FASN: variants seen among roughly 807,000 people sequenced by gnomAD.
FASN encodes the protein fatty acid synthase.
FASN carries 50 observed loss-of-function variants against 250.0 expected under a neutral mutation model. The ratio of observed to expected loss-of-function variants is 0.20; its 90% CI spans 0.16 to 0.25. FASN has a LOEUF of 0.25. Ranked by LOEUF, FASN falls within the 10% of genes least tolerant of loss-of-function variation. The pLI, the probability that FASN is intolerant of heterozygous loss-of-function variation, is 1.00. For synonymous variants in FASN, 1,909 were observed against 1,584.0 expected (o/e 1.21, Z -4.87); for missense variants, 3,031 against 3,498.5 (o/e 0.87, Z 3.37).
Position 82,089,869 on chromosome 17 carries a change from C to T in FASN, c.1871-143G>A, listed in dbSNP as rs1261578882. ...TTGGAGCCTTCATGAGAAAGGTTCG[C>T]CCCCTGCTGTGTTTGACCCGTGGGT... On this transcript the variant is annotated intron_variant, in intron 11 of 42. Transcript: ENST00000306749. 3.9e-6 allele frequency: 3 copies of T among 768,912 alleles called. No homozygotes were observed. In the South Asian group the frequency reaches 4.7e-5, roughly 12 times the overall value. The allele number at this position is 768,912 out of a possible 1,614,324, so 47.6% of individuals were successfully genotyped here.
intron 8 of FASN, 123 bp downstream of exon 8, chr17:82,092,332 A>G: frequency 9.6e-7 from 1 of 1,041,130 alleles, no homozygotes; most frequent in Non-Finnish European, 1.4e-6. Context: ...CGGGGGACAG[A>G]GGCTCCTGGT....
chr17:82,079,048 C>T lies in FASN; in HGVS notation c.*95G>A. 1.5e-6 allele frequency: 2 copies of T among 1,378,762 alleles called. No homozygotes were observed. Among genetic ancestry groups the T allele is most frequent in the Non-Finnish European group, 9.8e-7 (1 of 1,020,332 alleles). 85.4% of individuals were successfully genotyped at this position (1,378,762 alleles called of 1,614,324 possible). On this transcript the variant is annotated 3_prime_UTR_variant, in exon 43 of 43. Coordinates refer to ENST00000306749, the MANE Select transcript of FASN (RefSeq NM_004104.5). ...TGGCACTGGGCCGGACAGGGTCCCA[C>T]CGGCAGGACCCTTCAATCCCGTTGC...
At chr17:82,083,470 C>G in intron 31 of FASN, 45 bp from the exon 32 acceptor site, 1 of 1,612,686 alleles carries the variant, frequency 6.2e-7, no homozygotes, top group Non-Finnish European at 8.5e-7. Context: ...CACAGGTCCA[C>G]CCACACCCAT....
intron 22 of FASN, 136 bp from the exon 23 acceptor site, chr17:82,086,007 A>C: frequency 8.1e-7 from 1 of 1,241,602 alleles, no homozygotes; most frequent in Non-Finnish European, 1.1e-6. Context: ...AGCCATGGGC[A>C]CGCATGGATG....
chr17:82,097,718 C>A (rs1028996561), intron 1 of FASN, among the ~76,000 whole-genome samples: 1 of 152,102 alleles, frequency 6.6e-6, no homozygotes, highest in Non-Finnish European at 1.5e-5. Flanking sequence ...CCTGCGCCCC[C>A]CCGTTCCTCC....
chr17:82,084,730 G>T lies in FASN; in HGVS notation c.4565-14C>A, dbSNP rs202211863. On this transcript the variant is annotated splice_polypyrimidine_tract_variant and intron_variant, in intron 26 of 42. Coordinates refer to ENST00000306749, the MANE Select transcript of FASN (RefSeq NM_004104.5). ...CCTCAGGCTTGTCTAGGGAAACAGG[G>T]AGGTGGGGCTGCTGCGGGGCCTTCG... 1.2e-4 allele frequency: 182 copies of T among 1,554,652 alleles called. No individual in the cohort carries two copies. The East Asian group carries it at 4.4e-3, about 37-fold the overall frequency.
chr17:82,081,140 T>C (rs928392382), intron 38 of FASN, 24 bp downstream of exon 38: 3 of 1,560,782 alleles, frequency 1.9e-6, no homozygotes, highest in African/African-American at 2.7e-5. Flanking sequence ...GGGACCCCAC[T>C]CCCGCCTGGC....
In FASN at chr17:82,083,082, C is replaced by T. The variant is rs1375986958; in HGVS notation, c.5599G>A (p.Gly1867Arg). The change falls in exon 33 of 43, where the codon GGG becomes AGG. Residue 1867 changes from glycine (G) to arginine (R), a missense_variant. Physicochemically the swap from Gly to Arg is moderately radical, Grantham distance 125. Coordinates refer to ENST00000306749, the MANE Select transcript of FASN (RefSeq NM_004104.5). ...LAEEPEAVLK[G>R]AKPKLMSAIS... ...GCCGACATCAGCTTGGGTTTGGCCC[C>T]CTTCAGCACTGCCTCCGGCTCCTCC... is the stretch of plus-strand genomic sequence containing the variant. The T allele has an allele frequency of 1.2e-6, 2 of 1,611,466 alleles. No individual in the cohort carries two copies. Among genetic ancestry groups the T allele is most frequent in the African/African-American group, 2.7e-5 (2 of 74,926 alleles).
chr17:82,080,589 A>G lies in FASN; in HGVS notation c.6828T>C (p.Ala2276=). 2 of 1,554,842 alleles carry G rather than the reference A, an allele frequency of 1.3e-6. No homozygotes were observed. The highest frequency in any genetic ancestry group is 1.7e-6 in the Non-Finnish European group (2 of 1,150,038). ...GGCTGTGGATGCTGTCAAGGGGCGC[A>G]GCTGCAATGGCAGTGCCGGGCACTC... ...IPTYGLQCTR[A]APLDSIHSLA... The change falls in exon 40 of 43, where the codon GCT becomes GCC. Residue 2276 remains alanine, a splice_region_variant and synonymous_variant. Coordinates refer to ENST00000306749, the MANE Select transcript of FASN (RefSeq NM_004104.5).
In FASN at chr17:82,085,128, C is replaced by G; in HGVS notation, c.4316G>C (p.Arg1439Pro). The change falls in exon 25 of 43, where the codon CGG (arginine) becomes CCG (proline). Residue 1439 changes from arginine (R) to proline (P), a missense_variant. Arg to Pro is a moderately radical substitution (Grantham distance 103, BLOSUM62 -2). Coordinates refer to ENST00000306749, the MANE Select transcript of FASN (RefSeq NM_004104.5). ...GTTGATGGCCTTCAGCCACACAGGC[C>G]GGGAAGAGTCTTCGTCAGCCAGGAT... is the stretch of plus-strand genomic sequence containing the variant. ...KGILADEDSSRPVWLKAINCA... is the reference protein window; with the variant it reads ...KGILADEDSSPPVWLKAINCA... The G allele has an allele frequency of 6.2e-7, 1 of 1,611,254 alleles. No homozygotes were observed. Among genetic ancestry groups the G allele is most frequent in the African/African-American group, 1.3e-5 (1 of 74,946 alleles).
chr17:82,088,333 C>T, intron 16 of FASN, 26 bp from the exon 17 acceptor site: 3 of 1,609,728 alleles, frequency 1.9e-6, no homozygotes, highest in Non-Finnish European at 2.5e-6. Flanking sequence ...GGCCTCAGCA[C>T]AGAGCGGGCG....
At chr17:82,096,018 G>A (rs771115535) in intron 2 of FASN, among the ~76,000 whole-genome samples, 50 of 152,256 alleles carry the variant, frequency 3.3e-4, no homozygotes, top group Non-Finnish European at 5.1e-4. Context: ...ACAAGCAGAT[G>A]GGCCCTGCCT....
chr17:82,083,485 G>A lies in FASN; in HGVS notation c.5341+32C>T, dbSNP rs375832736. 851 of 1,612,698 alleles carry A rather than the reference G, an allele frequency of 5.3e-4. 1 individual carries two copies. The highest frequency in any genetic ancestry group is 5.4e-4 in the Non-Finnish European group (634 of 1,179,966). ...CACAGGTCCACCCACACCCATCCATGCCCACCCCCGCCCAGGCGCTGCCGG... is the reference window on the plus strand; with the variant it reads ...CACAGGTCCACCCACACCCATCCATACCCACCCCCGCCCAGGCGCTGCCGG... On this transcript the variant is annotated intron_variant, in intron 31 of 42. Transcript: ENST00000306749.
chr17:82,093,506 C>G (rs2034250461), intron 4 of FASN, 87 bp from the exon 5 acceptor site: 1 of 1,595,262 alleles, frequency 6.3e-7, no homozygotes, highest in South Asian at 1.1e-5. Flanking sequence ...TGGACACACA[C>G]TGCACGGAGT....
chr17:82,085,060 G>A lies in FASN; in HGVS notation c.4384C>T (p.Arg1462Ter), dbSNP rs1306831904. The stretch of plus-strand genomic sequence containing the variant: ...CGGAGGCGGTTCCCGCCGGGCTCTC[G>A]GCGGAGACAGTTCACCAAGCCCACC... Reference protein sequence around the residue: ...GVVGLVNCLRREPGGNRLRCV... With the variant: ...GVVGLVNCLR The change falls in exon 25 of 43, where the codon CGA becomes TGA. Residue 1462 changes from arginine to a stop codon, truncating the protein, a stop_gained. Coordinates refer to ENST00000306749, the MANE Select transcript of FASN (RefSeq NM_004104.5). LOFTEE classifies it high-confidence loss of function. 6.2e-7 allele frequency: 1 copy of A among 1,612,108 alleles called. No individual in the cohort carries two copies. The highest frequency in any genetic ancestry group is 8.5e-7 in the Non-Finnish European group (1 of 1,179,658).
intron 21 of FASN, 36 bp downstream of exon 21, chr17:82,087,014 C>T: frequency 6.2e-7 from 1 of 1,607,836 alleles, no homozygotes; most frequent in Non-Finnish European, 8.5e-7. Context: ...TCCTCATCGC[C>T]AGAGGTGTCC....
Position 82,087,171 on chromosome 17 carries a change from G to C in FASN, c.3306C>G (p.Ala1102=), listed in dbSNP as rs34179714. 6.4e-3 allele frequency: 10,363 copies of C among 1,609,482 alleles called. 84 individuals carry two copies. The highest frequency in any genetic ancestry group is 0.023 in the Middle Eastern group (139 of 6,010). ...CCTGCTGCTCCTGCTGCCGCCGCGG[G>C]GCCGACTCAGTGTGGAGCCCGGAGA... is the stretch of plus-strand genomic sequence containing the variant. ...VHISGLHTES[A]PRRQQEQQVP... The change falls in exon 21 of 43, where the codon GCC becomes GCG. Residue 1102 remains alanine (A), a synonymous_variant. Transcript: ENST00000306749.
chr17:82,086,394 G>A lies in FASN; in HGVS notation c.3592C>T (p.Leu1198=). The change falls in exon 22 of 43, where the codon CTG becomes TTG. Residue 1198 remains leucine (L), a synonymous_variant. Transcript: ENST00000306749. ...CTCTCCTGGGCCAGCACCTGCGCCAGCTCCAGCTGCAGGTTCCCGTTGAGC... is the reference window on the plus strand; with the variant it reads ...CTCTCCTGGGCCAGCACCTGCGCCAACTCCAGCTGCAGGTTCCCGTTGAGC... ...LQLNGNLQLE[L]AQVLAQERPK... 1 of 1,610,402 alleles carries A rather than the reference G, an allele frequency of 6.2e-7. No homozygotes were observed. Among genetic ancestry groups the A allele is most frequent in the Non-Finnish European group, 8.5e-7 (1 of 1,179,848 alleles).
intron 37 of FASN, 40 bp from the exon 38 acceptor site, chr17:82,081,392 A>G: frequency 6.4e-7 from 1 of 1,560,462 alleles, no homozygotes; most frequent in Non-Finnish European, 8.7e-7. Context: ...CAGAGGGGGC[A>G]TGGGGACGGC....
Sources: gnomAD v4.1 joint callset for allele counts (sites outside exome capture counted in the v4.1 genomes callset) on GRCh38, gnomAD v4.1.1 for gene constraint, MANE v1.5 for transcripts, NCBI Gene and HGNC (gene_info 2026-07-23, HGNC 2026-07-21) for gene names.